The following PVT1 variants were observed in gnomAD, a reference collection of about 807,000 sequenced individuals.
PVT1 encodes the protein Pvt1 oncogene.
intron 2 of PVT1, among the ~76,000 whole-genome samples, chr8:127,867,285 G>A (rs796294774): frequency 3.0e-4 from 46 of 152,334 alleles, no homozygotes; most frequent in African/African-American, 9.6e-4. Flanking sequence ...GGTCCAAGCC[G>A]CCACAGCCTG....
At chr8:127,871,655 A>G (rs1489215809) in intron 2 of PVT1, among the ~76,000 whole-genome samples, 1 of 152,242 alleles carries the variant, frequency 6.6e-6, no homozygotes, top group Non-Finnish European at 1.5e-5. Context: ...ACCCATATCC[A>G]GGAACTGTTC....
intron 3 of PVT1, among the ~76,000 whole-genome samples, chr8:127,968,079 T>C (rs1035013267): frequency 1.3e-5 from 2 of 152,222 alleles, no homozygotes; most frequent in Non-Finnish European, 2.9e-5. Context: ...CAAATGTTTA[T>C]GGAAGGTCTG....
intron 5 of PVT1, among the ~76,000 whole-genome samples, chr8:128,084,258 C>G (rs1814228779): frequency 6.6e-6 from 1 of 152,178 alleles, no homozygotes; most frequent in Admixed American, 6.5e-5. Flanking sequence ...GCCACTTTCC[C>G]CCTTGTTTAT....
At chr8:127,872,887 G>A (rs1408432386) in intron 2 of PVT1, among the ~76,000 whole-genome samples, 1 of 152,122 alleles carries the variant, frequency 6.6e-6, no homozygotes, top group African/African-American at 2.4e-5. Context: ...TTGTCCCCAC[G>A]CCTGCCCCTT....
At chr8:127,958,719 C>A (rs937511642) in intron 3 of PVT1, among the ~76,000 whole-genome samples, 3 of 152,124 alleles carry the variant, frequency 2.0e-5, no homozygotes, top group Non-Finnish European at 4.4e-5. Context: ...TGTGACTTGA[C>A]AGCTGCAATC....
chr8:128,056,439 G>A (rs1052765873), intron 4 of PVT1, among the ~76,000 whole-genome samples: 2 of 152,220 alleles, frequency 1.3e-5, no homozygotes, highest in African/African-American at 4.8e-5. Flanking sequence ...TATTCATTGC[G>A]TGTATACATA....
intron 2 of PVT1, among the ~76,000 whole-genome samples, chr8:127,836,451 T>C (rs1310596906): frequency 6.6e-6 from 1 of 152,080 alleles, no homozygotes; most frequent in African/African-American, 2.4e-5. Context: ...CTATGAAAGG[T>C]GAGCAAATGC....
chr8:127,914,066 A>T (rs1400708202), intron 3 of PVT1, among the ~76,000 whole-genome samples: 1 of 152,110 alleles, frequency 6.6e-6, no homozygotes, highest in Admixed American at 6.5e-5. Flanking sequence ...ACTCAAAACC[A>T]AAAAGACAAC....
At position 127,876,033 on chromosome 8, in the gene PVT1, C is replaced by T. The variant is rs149781702; in HGVS notation, n.373-14556C>T. Among the ~76,000 whole-genome samples, 15 of 152,360 alleles carry T rather than the reference C, an allele frequency of 9.8e-5. No individual in the cohort carries two copies. The East Asian group carries it at 2.9e-3, about 29-fold the overall frequency. On this transcript the variant is annotated intron_variant and non_coding_transcript_variant, in intron 2 of 10. Coordinates refer to ENST00000651587, the Ensembl canonical transcript of PVT1. The stretch of plus-strand genomic sequence containing the variant: ...CTGGCAAAGAGGCACCCTCCACCCC[C>T]CCTCACCCTCAGCCAGGTTTACTGA...
At chr8:128,069,141 A>C (rs937355995) in intron 4 of PVT1, among the ~76,000 whole-genome samples, 1 of 152,202 alleles carries the variant, frequency 6.6e-6, no homozygotes, top group Admixed American at 6.5e-5. Flanking sequence ...TGTGGCAATT[A>C]CATAAGGTAT....
At chr8:128,024,448 C>A (rs997095277) in intron 4 of PVT1, among the ~76,000 whole-genome samples, 1 of 148,620 alleles carries the variant, frequency 6.7e-6, no homozygotes, top group Non-Finnish European at 1.5e-5. Context: ...CATGGTGAGA[C>A]CCTGTTTCTA....
intron 3 of PVT1, among the ~76,000 whole-genome samples, chr8:127,965,244 T>A (rs1343717089): frequency 6.6e-6 from 1 of 152,248 alleles, no homozygotes; most frequent in Non-Finnish European, 1.5e-5. Flanking sequence ...GAGTAAAAGC[T>A]GCAAGAAGAG....
chr8:127,970,102 A>G (rs1303862713), intron 3 of PVT1, among the ~76,000 whole-genome samples: 1 of 152,032 alleles, frequency 6.6e-6, no homozygotes, highest in African/African-American at 2.4e-5. Flanking sequence ...GCTCTTGAAT[A>G]AGAAGGAAAG....
chr8:128,055,783 C>T (rs1044359913), intron 4 of PVT1, among the ~76,000 whole-genome samples: 4 of 152,154 alleles, frequency 2.6e-5, no homozygotes, highest in South Asian at 4.1e-4. Context: ...TCTCTCATCA[C>T]GAGCAGTCTA....
intron 3 of PVT1, among the ~76,000 whole-genome samples, chr8:127,911,815 A>G (rs1245993268): frequency 2.0e-5 from 3 of 152,198 alleles, no homozygotes; most frequent in Admixed American, 6.5e-5. Context: ...GGTCCGCACT[A>G]TGGGTGACCT....
In PVT1 at chr8:128,027,657, G is replaced by C. The variant is rs193130128; in HGVS notation, n.912+38366G>C. 1.2e-3 allele frequency among the ~76,000 whole-genome samples: 183 copies of C among 152,320 alleles called. 4 individuals are homozygous for C. The South Asian group carries it at 0.017, about 14-fold the overall frequency. On this transcript the variant is annotated intron_variant and non_coding_transcript_variant, in intron 4 of 10. Coordinates refer to ENST00000651587, the Ensembl canonical transcript of PVT1. ...CATCCTGAAGAGACCCTGGGTTCTTGCCTCCCTGGGCTGTGGCACCATGCA... is the reference window on the plus strand; with the variant it reads ...CATCCTGAAGAGACCCTGGGTTCTTCCCTCCCTGGGCTGTGGCACCATGCA...
rs1816705438 is a variant in PVT1 at position 127,966,611 on chromosome 8, C to T, written n.783-22551C>T. On this transcript the variant is annotated intron_variant and non_coding_transcript_variant, in intron 3 of 10. Coordinates refer to ENST00000651587, the Ensembl canonical transcript of PVT1. Reference sequence around the variant, plus strand: ...TGCCTGACATCCTTGCCCTTAGCCACGTGGGGCTGTTGAACACTTGACCTG... The same window carrying T: ...TGCCTGACATCCTTGCCCTTAGCCATGTGGGGCTGTTGAACACTTGACCTG... Among the ~76,000 whole-genome samples the T allele has an allele frequency of 2.0e-5, 3 of 152,162 alleles. No individual in the cohort carries two copies. The South Asian group carries it at 6.2e-4, about 32-fold the overall frequency.
chr8:127,869,626 T>A (rs1453004434), intron 2 of PVT1, among the ~76,000 whole-genome samples: 1 of 152,152 alleles, frequency 6.6e-6, no homozygotes, highest in Non-Finnish European at 1.5e-5. Flanking sequence ...AAGGGCCTGG[T>A]TGTTTCTACT....
chr8:128,046,764 C>T (rs985545950), intron 4 of PVT1, among the ~76,000 whole-genome samples: 1 of 152,220 alleles, frequency 6.6e-6, no homozygotes, highest in African/African-American at 2.4e-5. Context: ...TAAATGTTCA[C>T]TCTTCAATAT....
Sources: gnomAD v4.1 joint callset for allele counts (sites outside exome capture counted in the v4.1 genomes callset) on GRCh38, gnomAD v4.1.1 for gene constraint, MANE v1.5 for transcripts, NCBI Gene and HGNC (gene_info 2026-07-23, HGNC 2026-07-21) for gene names.